MGLL: variants seen among roughly 807,000 people sequenced by gnomAD.
MGLL encodes monoglyceride lipase.
A neutral mutation model predicts 29.1 loss-of-function variants in MGLL; 7 were observed. The ratio of observed to expected loss-of-function variants is 0.24; its 90% CI spans 0.14 to 0.45. The LOEUF (loss-of-function observed/expected upper bound fraction) is 0.45. Among genes scored for constraint, MGLL ranks in the 20% least tolerant of loss-of-function variants. The pLI, the probability that MGLL is intolerant of heterozygous loss-of-function variation, is 0.99. For synonymous variants in MGLL, 148 were observed against 168.3 expected (o/e 0.88, Z 0.93); for missense variants, 356 against 413.6 (o/e 0.86, Z 1.21).
intron 5 of MGLL, 97 bp from the exon 6 acceptor site, chr3:127,710,762 C>A: frequency 9.0e-7 from 1 of 1,115,702 alleles, no homozygotes; most frequent in Non-Finnish European, 1.3e-6. Flanking sequence ...GAGAGTGATG[C>A]CCAAACTGAA....
At chr3:127,732,225 G>A (rs1244265437) in intron 3 of MGLL, among the ~76,000 whole-genome samples, 1 of 152,212 alleles carries the variant, frequency 6.6e-6, no homozygotes, top group Non-Finnish European at 1.5e-5. Context: ...AGTAAAAACA[G>A]CACTTGGTAT....
intron 3 of MGLL, among the ~76,000 whole-genome samples, chr3:127,779,992 G>A (rs1291107051): frequency 2.0e-5 from 3 of 152,204 alleles, no homozygotes; most frequent in Non-Finnish European, 4.4e-5. Flanking sequence ...TTGCCAGAGA[G>A]ATTTCCATGA....
chr3:127,811,133 T>C (rs1358232119), intron 2 of MGLL, among the ~76,000 whole-genome samples: 3 of 149,374 alleles, frequency 2.0e-5, no homozygotes, highest in South Asian at 2.1e-4. Context: ...GAAATGCTTA[T>C]ATTCTTTTCC....
At chr3:127,797,352 G>A (rs2077400756) in intron 2 of MGLL, among the ~76,000 whole-genome samples, 1 of 152,096 alleles carries the variant, frequency 6.6e-6, no homozygotes, top group South Asian at 2.1e-4. Flanking sequence ...GCGAATAAGA[G>A]AACCATGTCT....
At chr3:127,773,061 G>A (rs1049512291) in intron 3 of MGLL, among the ~76,000 whole-genome samples, 1 of 152,224 alleles carries the variant, frequency 6.6e-6, no homozygotes. Flanking sequence ...ACTCTCGGCA[G>A]ATCTGAAGGC....
intron 6 of MGLL, among the ~76,000 whole-genome samples, chr3:127,700,625 G>A (rs1326713708): frequency 6.6e-6 from 1 of 152,198 alleles, no homozygotes; most frequent in Non-Finnish European, 1.5e-5. Flanking sequence ...GGATGAATAA[G>A]CAAACCATTC....
At chr3:127,771,337 C>T (rs928850853) in intron 3 of MGLL, among the ~76,000 whole-genome samples, 1 of 152,054 alleles carries the variant, frequency 6.6e-6, no homozygotes, top group African/African-American at 2.4e-5. Flanking sequence ...TTTCTGTCTT[C>T]CTCCAGTTAT....
At chr3:127,809,652 A>T (rs2077627719) in intron 2 of MGLL, among the ~76,000 whole-genome samples, 1 of 148,554 alleles carries the variant, frequency 6.7e-6, no homozygotes, top group South Asian at 2.2e-4. Context: ...AAAAAAAAAG[A>T]CTAATGAGTG....
intron 3 of MGLL, among the ~76,000 whole-genome samples, chr3:127,726,168 GAAAGAAAGAAAGAAAGAAAAGA>G (rs1434993963): frequency 1.8e-3 from 55 of 30,840 alleles, no homozygotes; most frequent in Middle Eastern, 0.048. Context: ...AAGAAAGAAA[GAAAGAAAGAAAGAAAGAAAAGA>G]AAAGAAAGAA....
intron 5 of MGLL, 90 bp from the exon 6 acceptor site, chr3:127,710,755 A>T: frequency 8.6e-7 from 1 of 1,168,912 alleles, no homozygotes; most frequent in Non-Finnish European, 1.3e-6. Context: ...CATTAAGGAG[A>T]GTGATGCCCA....
At chr3:127,708,638 T>A (rs564378847) in intron 6 of MGLL, among the ~76,000 whole-genome samples, 4 of 152,260 alleles carry the variant, frequency 2.6e-5, no homozygotes, top group African/African-American at 9.6e-5. Context: ...GATTTGCACC[T>A]GGGTGCTTTG....
intron 6 of MGLL, among the ~76,000 whole-genome samples, chr3:127,700,124 G>A (rs2075450168): frequency 6.6e-6 from 1 of 152,270 alleles, no homozygotes; most frequent in South Asian, 2.1e-4. Context: ...TCCAATACAG[G>A]GAACTCGGAT....
chr3:127,723,735 G>A (rs2075980707), intron 3 of MGLL, among the ~76,000 whole-genome samples: 1 of 152,094 alleles, frequency 6.6e-6, no homozygotes, highest in Non-Finnish European at 1.5e-5. Flanking sequence ...TAAATGTAAG[G>A]TTCAGTGGCA....
chr3:127,737,883 A>G (rs1052783389), intron 3 of MGLL, among the ~76,000 whole-genome samples: 5 of 151,888 alleles, frequency 3.3e-5, no homozygotes, highest in African/African-American at 1.2e-4. Flanking sequence ...ACCGCAGGTG[A>G]TCCCCTGCCC....
At chr3:127,750,633 G>GAC (rs35649865) in intron 3 of MGLL, among the ~76,000 whole-genome samples, 104,530 of 150,422 alleles carry the variant, frequency 0.69, 36,553 homozygotes, top group Middle Eastern at 0.79. Flanking sequence ...AACGCACACT[G>GAC]ACACACACAC....
intron 2 of MGLL, among the ~76,000 whole-genome samples, chr3:127,811,699 T>C (rs887447054): frequency 5.3e-5 from 8 of 152,258 alleles, no homozygotes; most frequent in African/African-American, 1.9e-4. Context: ...CTCATTGCTC[T>C]TGAAAAACTG....
intron 4 of MGLL, 78 bp from the exon 5 acceptor site, chr3:127,721,241 G>A (rs1219348014): frequency 4.0e-6 from 5 of 1,245,666 alleles, no homozygotes; most frequent in Admixed American, 1.8e-5. Context: ...GACCAATGCA[G>A]TCCTCTTAAG....
intron 3 of MGLL, chr3:127,735,787 A>C: frequency 6.3e-7 from 1 of 1,598,252 alleles, no homozygotes; most frequent in Non-Finnish European, 8.5e-7. Context: ...GAGGAGAAAA[A>C]TGTATAAATT....
intron 3 of MGLL, among the ~76,000 whole-genome samples, chr3:127,743,863 T>C (rs946598105): frequency 6.6e-6 from 1 of 152,160 alleles, no homozygotes; most frequent in Non-Finnish European, 1.5e-5. Context: ...TTCTCTTCTG[T>C]TTGCTGATGG....
Sources: allele counts gnomAD v4.1 joint callset (sites outside exome capture counted in the v4.1 genomes callset), GRCh38; gene constraint gnomAD v4.1.1; transcripts MANE v1.5; gene names NCBI Gene and HGNC (gene_info 2026-07-23, HGNC 2026-07-21).